DIS3L2: variants seen among roughly 807,000 people sequenced by gnomAD.
DIS3L2 encodes the protein DIS3-like exonuclease 2.
DIS3L2 carries 34 observed loss-of-function variants against 97.5 expected under a neutral mutation model. The observed-to-expected ratio is 0.35, with a 90% CI of 0.27 to 0.46. DIS3L2 has a LOEUF of 0.46. DIS3L2 is among the 20% of genes least tolerant of loss of function. DIS3L2 has a pLI of 1.00. For synonymous variants in DIS3L2, 435 were observed against 445.2 expected (o/e 0.98, Z 0.29); for missense variants, 1,038 against 1,146.0 (o/e 0.91, Z 1.36).
intron 8 of DIS3L2, among the ~76,000 whole-genome samples, chr2:232,158,500 T>G (rs1690563089): frequency 6.6e-6 from 1 of 152,304 alleles, no homozygotes; most frequent in Non-Finnish European, 1.5e-5. Flanking sequence ...TCAAGATACT[T>G]TTTTGTTGGA....
intron 3 of DIS3L2, among the ~76,000 whole-genome samples, chr2:232,022,744 C>T (rs1029170617): frequency 4.6e-5 from 7 of 152,186 alleles, no homozygotes; most frequent in African/African-American, 1.2e-4. Context: ...CCTTGTACCC[C>T]GTCATTTGAC....
intron 13 of DIS3L2, among the ~76,000 whole-genome samples, chr2:232,284,015 C>A (rs1210457941): frequency 6.6e-6 from 1 of 151,976 alleles, no homozygotes; most frequent in Admixed American, 6.6e-5. Context: ...TCTATACTAC[C>A]TTTGCAATTT....
At chr2:232,103,022 A>G (rs1559631531) in intron 6 of DIS3L2, among the ~76,000 whole-genome samples, 1 of 152,120 alleles carries the variant, frequency 6.6e-6, no homozygotes, top group South Asian at 2.1e-4. Flanking sequence ...GGATTAAGAG[A>G]AATTCTTGTG....
At chr2:232,304,659 T>C (rs115082873) in intron 14 of DIS3L2, among the ~76,000 whole-genome samples, 3,081 of 152,320 alleles carry the variant, frequency 0.02, 63 homozygotes, top group Admixed American at 0.055. Context: ...CAAGCTATTC[T>C]TCCTGCCGTT....
intron 13 of DIS3L2, among the ~76,000 whole-genome samples, chr2:232,287,684 A>AC (rs2106308581): frequency 6.6e-6 from 1 of 152,092 alleles, no homozygotes; most frequent in East Asian, 1.9e-4. Flanking sequence ...GAGCCACCTC[A>AC]CCCAGCCCCA....
In DIS3L2 at chr2:232,087,699, C is replaced by G. The variant is rs1696706175; in HGVS notation, c.579C>G (p.Leu193=). Residue 193 remains leucine (L), a synonymous_variant, in exon 6 of 21, where the codon CTC becomes CTG. Transcript: ENST00000325385. ...TGCTGGTTGATGGTGTTAAGAAACT[C>G]TCAGTTTGTGTTTCTGAGAAAGGTG... ...QNVLVDGVKK[L]SVCVSEKGRE... 12 of 1,614,030 alleles carry G rather than the reference C, an allele frequency of 7.4e-6. No homozygotes were observed. Among genetic ancestry groups the G allele is most frequent in the African/African-American group, 2.7e-5 (2 of 75,038 alleles).
intron 9 of DIS3L2, among the ~76,000 whole-genome samples, chr2:232,182,565 C>T (rs547398563): frequency 6.6e-6 from 1 of 152,162 alleles, no homozygotes; most frequent in South Asian, 2.1e-4. Context: ...TTAAGTTCTG[C>T]CATTTTTTGC....
At chr2:232,007,357 GT>G (rs1694081806) in intron 1 of DIS3L2, among the ~76,000 whole-genome samples, 1 of 152,104 alleles carries the variant, frequency 6.6e-6, no homozygotes, top group Non-Finnish European at 1.5e-5. Context: ...TAAGAGTGAG[GT>G]TGATACTTCC....
intron 13 of DIS3L2, among the ~76,000 whole-genome samples, chr2:232,287,587 C>T (rs1694480693): frequency 6.6e-6 from 1 of 151,908 alleles, no homozygotes; most frequent in Non-Finnish European, 1.5e-5. Context: ...AGACGGAGGT[C>T]TCGCTCTGTT....
intron 10 of DIS3L2, among the ~76,000 whole-genome samples, chr2:232,217,903 G>A (rs150954705): frequency 6.6e-6 from 1 of 152,168 alleles, no homozygotes; most frequent in Admixed American, 6.5e-5. Flanking sequence ...ATGTGATTGG[G>A]CAAAAAGCGT....
At chr2:232,125,321 C>T (rs924962147) in intron 6 of DIS3L2, among the ~76,000 whole-genome samples, 4 of 152,252 alleles carry the variant, frequency 2.6e-5, no homozygotes, top group African/African-American at 4.8e-5. Flanking sequence ...GAGCTTGATA[C>T]TCCATCAATA....
Position 232,336,472 on chromosome 2 carries a change from A to C in DIS3L2, c.2500A>C (p.Ile834Leu). 1 of 1,610,472 alleles carries C rather than the reference A, an allele frequency of 6.2e-7. No individual in the cohort carries two copies. The highest frequency in any genetic ancestry group is 8.5e-7 in the Non-Finnish European group (1 of 1,179,074). Residue 834 changes from isoleucine (I) to leucine (L), a missense_variant, in exon 21 of 21, where the codon ATC becomes CTC. By Grantham distance (5) the Ile-to-Leu change is conservative. This residue lies in a region of DIS3L2 where 221 missense variants were observed against 246.9 expected (regional missense o/e 0.90). Coordinates refer to ENST00000325385, the MANE Select transcript of DIS3L2 (RefSeq NM_152383.5). ...CTCACGGCTGGGCTCTGCACAGGTCATCACCATCTTCAGCCTGGTGGAGGT... is the reference window on the plus strand; with the variant it reads ...CTCACGGCTGGGCTCTGCACAGGTCCTCACCATCTTCAGCCTGGTGGAGGT... Reference protein sequence around the residue: ...DMEQEPAQQVITIFSLVEVVL... With the variant: ...DMEQEPAQQVLTIFSLVEVVL...
intron 10 of DIS3L2, among the ~76,000 whole-genome samples, chr2:232,224,039 A>G (rs1010117266): frequency 1.2e-4 from 18 of 152,230 alleles, no homozygotes; most frequent in African/African-American, 4.1e-4. Context: ...GCGGTGAGCC[A>G]TGATCGCACC....
chr2:232,324,923 G>A (rs1217591627), intron 14 of DIS3L2, among the ~76,000 whole-genome samples: 1 of 152,192 alleles, frequency 6.6e-6, no homozygotes, highest in Non-Finnish European at 1.5e-5. Context: ...GCAGGGCCAG[G>A]AGAGGGGAGG....
At chr2:232,200,767 C>T in intron 9 of DIS3L2, among the ~76,000 whole-genome samples, 2 of 150,246 alleles carry the variant, frequency 1.3e-5, no homozygotes, top group East Asian at 2.0e-4. Context: ...ATGCTGAAAC[C>T]ATTGACCAAA....
chr2:231,989,004 A>G (rs527244350), intron 1 of DIS3L2, among the ~76,000 whole-genome samples: 3 of 152,308 alleles, frequency 2.0e-5, no homozygotes, highest in African/African-American at 7.2e-5. Flanking sequence ...TTGCCATGGT[A>G]AAATTGGCCA....
chr2:232,047,990 A>G (rs770224192), intron 5 of DIS3L2, among the ~76,000 whole-genome samples: 3 of 152,144 alleles, frequency 2.0e-5, no homozygotes, highest in Non-Finnish European at 4.4e-5. Context: ...TTTGGGTTGT[A>G]TCTACTTTCT....
chr2:232,208,248 TC>T (rs1433595049), intron 9 of DIS3L2, among the ~76,000 whole-genome samples: 5 of 152,092 alleles, frequency 3.3e-5, no homozygotes, highest in Non-Finnish European at 7.4e-5. Flanking sequence ...CTGTTTTCAT[TC>T]CGTTCCGTTC....
chr2:232,223,117 G>C (rs1692549058), intron 10 of DIS3L2, among the ~76,000 whole-genome samples: 1 of 152,172 alleles, frequency 6.6e-6, no homozygotes, highest in Non-Finnish European at 1.5e-5. Flanking sequence ...CAGCTCTACT[G>C]ATTGGTTCCA....
Sources: gnomAD v4.1 joint callset for allele counts (sites outside exome capture counted in the v4.1 genomes callset) on GRCh38, gnomAD v4.1.1 for gene constraint, gnomAD v4.1.1 regional missense constraint, MANE v1.5 for transcripts, NCBI Gene and HGNC (gene_info 2026-07-23, HGNC 2026-07-21) for gene names.